SLC8A1: variants seen among roughly 807,000 people sequenced by gnomAD.
SLC8A1 encodes solute carrier family 8 member A1, also known as sodium/calcium exchanger 1.
SLC8A1 carries 18 observed loss-of-function variants against 68.3 expected under a neutral mutation model. The observed-to-expected ratio is 0.26, with a 90% confidence interval of 0.18 to 0.39. SLC8A1 has a LOEUF of 0.39. Ranked by LOEUF, SLC8A1 falls within the 10% of genes least tolerant of loss-of-function variation. The pLI, the probability that SLC8A1 is intolerant of heterozygous loss-of-function variation, is 1.00. For missense variants in SLC8A1, 985 were observed against 1,156.7 expected (o/e 0.85, Z 2.15); for synonymous variants, 475 against 415.5 (o/e 1.14, Z -1.74).
At chr2:40,100,002 G>A (rs1029776547) in exon 8 of SLC8A1, 6 of 152,040 alleles carry the variant, frequency 3.9e-5, no homozygotes, top group Non-Finnish European at 7.4e-5. Flanking sequence ...CCTACTGTCT[G>A]TAAAAATTAA....
At chr2:40,153,473 G>C (rs1310993766) in intron 6 of SLC8A1, among the ~76,000 whole-genome samples, 1 of 152,216 alleles carries the variant, frequency 6.6e-6, no homozygotes, top group Non-Finnish European at 1.5e-5. Context: ...GTATCACAGA[G>C]AATGGGAATC....
chr2:40,100,637 A>T (rs1420348122), exon 8 of SLC8A1: 3 of 152,174 alleles, frequency 2.0e-5, no homozygotes, highest in Non-Finnish European at 4.4e-5. Context: ...AAACACAGGA[A>T]GGAGTGACTG....
At chr2:40,399,473 G>A (rs1331089113) in intron 2 of SLC8A1, among the ~76,000 whole-genome samples, 1 of 152,132 alleles carries the variant, frequency 6.6e-6, no homozygotes, top group Non-Finnish European at 1.5e-5. Flanking sequence ...CAAAATCCTT[G>A]AAGGAGAAGT....
intron 2 of SLC8A1, among the ~76,000 whole-genome samples, chr2:40,200,984 CTCT>C (rs2054260191): frequency 6.6e-6 from 1 of 151,858 alleles, no homozygotes; most frequent in Middle Eastern, 3.4e-3. Context: ...ACACTCTCTT[CTCT>C]TCTTTTATTC....
At chr2:40,251,417 G>C (rs2062728750) in intron 2 of SLC8A1, 1 of 152,178 alleles carries the variant, frequency 6.6e-6, no homozygotes, top group Non-Finnish European at 1.5e-5. Flanking sequence ...AGCAGGAAAA[G>C]GTGGCAGGCA....
chr2:40,126,856 T>C (rs1018991391), intron 7 of SLC8A1, among the ~76,000 whole-genome samples: 1 of 152,170 alleles, frequency 6.6e-6, no homozygotes, highest in Admixed American at 6.5e-5. Flanking sequence ...AGACATATCA[T>C]CTGTCTTGTT....
At chr2:40,126,585 G>C (rs577229737) in intron 7 of SLC8A1, among the ~76,000 whole-genome samples, 2 of 152,204 alleles carry the variant, frequency 1.3e-5, no homozygotes, top group East Asian at 3.9e-4. Flanking sequence ...TAACTTTTCA[G>C]TTTCTGGGAC....
rs573480327 is a variant in SLC8A1, at chr2:40,229,762, A to G, written c.1809-51907T>C. Among the ~76,000 whole-genome samples the G allele has an allele frequency of 5.3e-5, 8 of 152,294 alleles. No homozygotes were observed. In the South Asian group the frequency reaches 1.2e-3, roughly 24 times the overall value. On this transcript the variant is annotated intron_variant, in intron 2 of 7. Coordinates refer to ENST00000406785, the Ensembl canonical transcript of SLC8A1. ...AGGCAAAATTCGTGTGCTGTATCTT[A>G]TATCTTACTTTTTGCCTTCCTGTAT...
At chr2:40,201,868 A>G (rs1443614726) in intron 2 of SLC8A1, among the ~76,000 whole-genome samples, 1 of 151,908 alleles carries the variant, frequency 6.6e-6, no homozygotes, top group African/African-American at 2.4e-5. Context: ...AAACTATTGG[A>G]GGAGTTAAGA....
At chr2:40,162,055 A>C (rs2045784320) in intron 5 of SLC8A1, among the ~76,000 whole-genome samples, 2 of 152,242 alleles carry the variant, frequency 1.3e-5, no homozygotes, top group South Asian at 2.1e-4. Flanking sequence ...AACATTGAGA[A>C]GATAATAAGC....
At chr2:40,450,047 T>C (rs903015045) in intron 1 of SLC8A1, among the ~76,000 whole-genome samples, 1 of 152,200 alleles carries the variant, frequency 6.6e-6, no homozygotes, top group Admixed American at 6.5e-5. Flanking sequence ...AGCACACATC[T>C]TGCCTCTTGA....
intron 2 of SLC8A1, among the ~76,000 whole-genome samples, chr2:40,202,374 C>T (rs1437949571): frequency 6.6e-6 from 1 of 151,862 alleles, no homozygotes; most frequent in Non-Finnish European, 1.5e-5. Flanking sequence ...TCTGAATTTA[C>T]CATCAGATTT....
chr2:40,155,032 G>A (rs2044206491), intron 6 of SLC8A1, among the ~76,000 whole-genome samples: 1 of 152,072 alleles, frequency 6.6e-6, no homozygotes, highest in African/African-American at 2.4e-5. Context: ...AAGAAAAAGG[G>A]CAAAATGAGA....
chr2:40,136,324 A>C (rs1233465368), intron 7 of SLC8A1, among the ~76,000 whole-genome samples: 2 of 152,210 alleles, frequency 1.3e-5, no homozygotes, highest in Non-Finnish European at 2.9e-5. Flanking sequence ...ATTTGCTACC[A>C]GCTGGTGCAA....
chr2:40,099,052 C>T (rs189697171), exon 8 of SLC8A1: 1 of 151,812 alleles, frequency 6.6e-6, no homozygotes, highest in South Asian at 2.1e-4. Flanking sequence ...TTTTTTTGAA[C>T]CTTCAATTCA....
In SLC8A1 at chr2:40,115,762, T is replaced by C. The variant is rs1042409996; in HGVS notation, c.2438-133A>G. The C allele has an allele frequency of 3.4e-6, 4 of 1,170,016 alleles. No homozygotes were observed. In the African/African-American group the frequency reaches 4.6e-5, roughly 13 times the overall value. 72.5% of individuals were successfully genotyped at this position (1,170,016 alleles called of 1,614,324 possible). A position where few individuals can be genotyped will look rare whatever the true frequency, so the allele number is the denominator to read the frequency against. On this transcript the variant is annotated intron_variant, in intron 7 of 7. Transcript: ENST00000406785. Reference sequence around the variant, plus strand: ...CAGTGACCAAGAAATGGCTTTGATGTTCCTCTGAGTCAGACTCATGGGGTG... The same window carrying C: ...CAGTGACCAAGAAATGGCTTTGATGCTCCTCTGAGTCAGACTCATGGGGTG...
chr2:40,337,967 CAGAG>C (rs1666513969), intron 2 of SLC8A1, among the ~76,000 whole-genome samples: 1 of 151,974 alleles, frequency 6.6e-6, no homozygotes, highest in Non-Finnish European at 1.5e-5. Flanking sequence ...GGTGTTGAGG[CAGAG>C]AGAGAGACAG....
intron 2 of SLC8A1, among the ~76,000 whole-genome samples, chr2:40,343,248 A>G (rs1668262727): frequency 6.6e-6 from 1 of 152,096 alleles, no homozygotes. Flanking sequence ...CATTTTCTCA[A>G]TCTTATTTGG....
chr2:40,115,078 C>A, exon 8 of SLC8A1: 1 of 375,094 alleles, frequency 2.7e-6, no homozygotes, highest in Non-Finnish European at 4.5e-6. Flanking sequence ...GATGATGCCC[C>A]TGGGAATGGG....
Sources: gnomAD v4.1 joint callset for allele counts (sites outside exome capture counted in the v4.1 genomes callset) on GRCh38, gnomAD v4.1.1 for gene constraint, MANE v1.5 for transcripts, NCBI Gene and HGNC (gene_info 2026-07-23, HGNC 2026-07-21) for gene names.